Variants in PSMG4 observed in about 807,000 individuals in gnomAD.
PSMG4 encodes proteasome (prosome, macropain) assembly chaperone 4.
PSMG4 carries 10 observed loss-of-function variants against 11.0 expected under a neutral mutation model. The observed-to-expected ratio is 0.91, with a 90% CI of 0.56 to 1.54. The LOEUF (loss-of-function observed/expected upper bound fraction) is 1.54, where lower values mean the gene tolerates loss of function less well. Ranked by LOEUF, PSMG4 falls within the 40% of genes most tolerant of loss-of-function variation. PSMG4 has a pLI of 0.00. For synonymous variants in PSMG4, 95 were observed against 71.3 expected, an observed-to-expected ratio of 1.33 and a Z score of -1.68; for missense variants, 198 against 160.9, an observed-to-expected ratio of 1.23 and a Z score of -1.25.
chr6:3,258,467 A>C (rs904464635), upstream of PSMG4, among the ~76,000 whole-genome samples: 31 of 152,178 alleles, frequency 2.0e-4, no homozygotes, highest in Non-Finnish European at 3.8e-4. Context: ...GCCTCCTTGG[A>C]GTTAAAGGGC....
chr6:3,254,559 G>A (rs892184385), upstream of PSMG4, among the ~76,000 whole-genome samples: 6 of 152,170 alleles, frequency 3.9e-5, no homozygotes, highest in African/African-American at 7.2e-5. Context: ...ATTTGTTCTC[G>A]GGGTTTGTGA....
intron 1 of PSMG4, 71 bp downstream of exon 1, chr6:3,259,267 C>A: frequency 1.7e-6 from 2 of 1,198,526 alleles, no homozygotes; most frequent in South Asian, 7.5e-5. Flanking sequence ...GCGCGAGCTG[C>A]AGCCCCCCAG....
At chr6:3,254,477 A>C (rs569857949), upstream of PSMG4, among the ~76,000 whole-genome samples, 52 of 151,516 alleles carry the variant, frequency 3.4e-4, no homozygotes, top group East Asian at 1.5e-3. Flanking sequence ...TTTTAGATAA[A>C]TATTGTTGCT....
rs1261021278 is a variant in PSMG4 at position 3,260,275 on chromosome 6, T to TTATATATATATATATATATATATATA, written c.174+1080_174+1081insATATATATATATATATATATATATAT. Among the ~76,000 whole-genome samples, 14 of 69,076 alleles carry TTATATATATATATATATATATATATA rather than the reference T, an allele frequency of 2.0e-4. 1 individual carries two copies. Among genetic ancestry groups the TTATATATATATATATATATATATATA allele is most frequent in the African/African-American group, 8.7e-4 (14 of 16,162 alleles). The allele number at this position is 69,076 out of a possible 152,430, so 45.3% of individuals were successfully genotyped here. A position where few individuals can be genotyped will look rare whatever the true frequency, so the allele number is the denominator to read the frequency against. On this transcript the variant is annotated intron_variant, in intron 1 of 2. Transcript: ENST00000438998. ...TACTCCAGTATAACCTTGTCTTAAA[T>TTATATATATATATATATATATATATA]TGTATATATATATATATTTTTTTTT...
chr6:3,255,779 AGAGAG>A (rs1757741862), upstream of PSMG4, among the ~76,000 whole-genome samples: 12 of 152,248 alleles, frequency 7.9e-5, no homozygotes, highest in Admixed American at 6.5e-4. Flanking sequence ...TGGAATGTCC[AGAGAG>A]TCCCAATCTT....
In PSMG4 at chr6:3,267,704, A is replaced by G; in HGVS notation, c.364A>G (p.Lys122Glu). The G allele has an allele frequency of 6.4e-7, 1 of 1,552,162 alleles. No homozygotes were observed. The highest frequency in any genetic ancestry group is 8.7e-7 in the Non-Finnish European group (1 of 1,146,990). The change falls in exon 3 of 3, where the codon AAG becomes GAG. Residue 122 changes from lysine (K) to glutamate (E), a missense_variant. Physicochemically the swap from Lys to Glu is moderately conservative, Grantham distance 56. Coordinates refer to ENST00000438998, the MANE Select transcript of PSMG4 (RefSeq NM_001128591.2). ...GGAAGAGATGGAGGCTTTCCCCGAA[A>G]AGTTCTAGCTGAGTGGCAGAAGTGA... The part of the protein sequence containing the change: ...IKEEMEAFPE[K>E]F
upstream of PSMG4, chr6:3,255,155 G>C (rs1484553137): frequency 6.4e-7 from 1 of 1,550,842 alleles, no homozygotes; most frequent in African/African-American, 1.4e-5. Flanking sequence ...GAGGAGCAGG[G>C]CCATACTGAC....
chr6:3,264,430 C>G, intron 2 of PSMG4: 1 of 1,471,296 alleles, frequency 6.8e-7, no homozygotes. Flanking sequence ...GTAGGCCCAG[C>G]TGCTTCTGCT....
chr6:3,255,027 G>A (rs1045105791), upstream of PSMG4: 16 of 1,549,052 alleles, frequency 1.0e-5, no homozygotes, highest in East Asian at 2.4e-5. Flanking sequence ...CTGGGATAAT[G>A]GCGCTTTCTG....
chr6:3,266,743 A>AC (rs1758196734), intron 2 of PSMG4: 1 of 151,900 alleles, frequency 6.6e-6, no homozygotes. Context: ...ACACACACAC[A>AC]AATATATTTG....
At chr6:3,255,231 TAAGCCTTCC>T, upstream of PSMG4, 1 of 1,549,590 alleles carries the variant, frequency 6.5e-7, no homozygotes, top group Non-Finnish European at 8.7e-7. Context: ...TCAACTCTGG[TAAGCCTTCC>T]ATGCTGTTGG....
At chr6:3,259,866 C>A (rs1757911519) in intron 1 of PSMG4, among the ~76,000 whole-genome samples, 1 of 152,188 alleles carries the variant, frequency 6.6e-6, no homozygotes, top group South Asian at 2.1e-4. Flanking sequence ...TGCGTGTCGC[C>A]GCCTGGTTTC....
upstream of PSMG4, among the ~76,000 whole-genome samples, chr6:3,254,887 A>G (rs978476453): frequency 2.0e-5 from 3 of 151,378 alleles, no homozygotes; most frequent in Non-Finnish European, 2.9e-5. Flanking sequence ...GGTGACTCCG[A>G]CCTTGTAAGT....
At position 3,268,020 on chromosome 6, in the gene PSMG4, CAATTAGAATTAAAGTGATGTAT is replaced by C. The variant is rs1373719549; in HGVS notation, c.*311_*332del. ...CAGACATGACTGTGACGTGCATCCT[CAATTAGAATTAAAGTGATGTAT>C]AAATATGCTTTAGATTTGTGTGTGC... On this transcript the variant is annotated 3_prime_UTR_variant, in exon 3 of 3. Transcript: ENST00000438998. 4.4e-6 allele frequency: 1 copy of C among 224,836 alleles called. No homozygotes were observed. The highest frequency in any genetic ancestry group is 9.0e-6 in the Non-Finnish European group (1 of 111,212). 13.9% of individuals were successfully genotyped at this position (224,836 alleles called of 1,614,324 possible).
At chr6:3,256,320 C>G (rs1406355337), upstream of PSMG4, among the ~76,000 whole-genome samples, 1 of 152,160 alleles carries the variant, frequency 6.6e-6, no homozygotes, top group Non-Finnish European at 1.5e-5. Flanking sequence ...GGGAAATGAC[C>G]CCTGATGGGT....
At position 3,259,008 on chromosome 6, in the gene PSMG4, G is replaced by T. The variant is rs1275909870; in HGVS notation, c.-15G>T. 4.8e-6 allele frequency: 6 copies of T among 1,242,506 alleles called. No homozygotes were observed. The highest frequency in any genetic ancestry group is 5.0e-6 in the Non-Finnish European group (5 of 992,382). The allele number at this position is 1,242,506 out of a possible 1,614,324, so 77.0% of individuals were successfully genotyped here. ...ACCCGGGTCTGGCGCTGTGGGCCGG[G>T]AGCCGTGGGGCGGCATGGAGGGGCT... On this transcript the variant is annotated 5_prime_UTR_variant, in exon 1 of 3. Transcript: ENST00000438998.
intron 1 of PSMG4, among the ~76,000 whole-genome samples, chr6:3,262,398 T>G (rs1208514996): frequency 2.0e-5 from 3 of 152,236 alleles, no homozygotes; most frequent in Non-Finnish European, 2.9e-5. Flanking sequence ...TGCAGCTAAA[T>G]GTTGAACTTG....
chr6:3,257,704 G>A (rs575041376), upstream of PSMG4, among the ~76,000 whole-genome samples: 3 of 152,324 alleles, frequency 2.0e-5, no homozygotes, highest in South Asian at 6.2e-4. Context: ...ACTAATCTGT[G>A]TGGCAGGAAG....
chr6:3,261,068 AG>A (rs746500633), intron 1 of PSMG4, among the ~76,000 whole-genome samples: 22 of 152,210 alleles, frequency 1.4e-4, no homozygotes, highest in Admixed American at 7.2e-4. Context: ...TGAATGAGTG[AG>A]GCCCCCTCAG....
Sources: allele counts gnomAD v4.1 joint callset (sites outside exome capture counted in the v4.1 genomes callset), GRCh38; gene constraint gnomAD v4.1.1; transcripts MANE v1.5; gene names NCBI Gene and HGNC (gene_info 2026-07-23, HGNC 2026-07-21).